The following PPM1H variants were observed in gnomAD, a reference collection of about 807,000 sequenced individuals.
PPM1H encodes protein phosphatase 1H.
Under a neutral mutation model 54.9 loss-of-function variants are expected in PPM1H, and 27 were observed. That is an observed-to-expected ratio of 0.49 (90% CI 0.36 to 0.68). The LOEUF (loss-of-function observed/expected upper bound fraction) is 0.68, where lower values mean the gene tolerates loss of function less well. Ranked by LOEUF, PPM1H falls within the 30% of genes least tolerant of loss-of-function variation. The probability of loss-of-function intolerance (pLI) is 0.00; values close to 1 mark genes in which losing one functional copy is unlikely to be tolerated. For missense variants in PPM1H, 596 were observed against 667.8 expected, an observed-to-expected ratio of 0.89 and a Z score of 1.19; for synonymous variants, 305 against 270.8, an observed-to-expected ratio of 1.13 and a Z score of -1.24.
intron 1 of PPM1H, among the ~76,000 whole-genome samples, chr12:62,882,140 A>C (rs546858105): frequency 6.6e-6 from 1 of 152,360 alleles, no homozygotes; most frequent in East Asian, 1.9e-4. Context: ...AAGATGAGGG[A>C]ATATATTAAG....
intron 8 of PPM1H, among the ~76,000 whole-genome samples, chr12:62,682,126 T>G (rs1044925158): frequency 6.6e-6 from 1 of 152,238 alleles, no homozygotes; most frequent in Admixed American, 6.5e-5. Flanking sequence ...TTTTGAGGTG[T>G]CCAGGAAATT....
intron 1 of PPM1H, among the ~76,000 whole-genome samples, chr12:62,923,585 A>G (rs1871872454): frequency 6.6e-6 from 1 of 152,144 alleles, no homozygotes; most frequent in Non-Finnish European, 1.5e-5. Flanking sequence ...TATTTTAAGT[A>G]GTGACGAGGT....
At chr12:62,747,215 C>T (rs1008411387) in intron 4 of PPM1H, among the ~76,000 whole-genome samples, 1 of 151,892 alleles carries the variant, frequency 6.6e-6, no homozygotes, top group Non-Finnish European at 1.5e-5. Context: ...CGGCTCACTG[C>T]AACCTCCGCC....
rs554438767 is a variant in PPM1H, at chr12:62,712,666, A to G, written c.1073+7505T>C. Among the ~76,000 whole-genome samples, 8 of 152,360 alleles carry G rather than the reference A, an allele frequency of 5.3e-5. No individual in the cohort carries two copies. In the South Asian group the frequency reaches 1.7e-3, roughly 32 times the overall value. ...TTTCAATTACTCTGTAAAACTCAAG[A>G]GTCAAGCTGTTCAAAAATGTAGGCT... is the stretch of plus-strand genomic sequence containing the variant. On this transcript the variant is annotated intron_variant, in intron 6 of 9. Coordinates refer to ENST00000228705, the MANE Select transcript of PPM1H (RefSeq NM_020700.2).
In PPM1H at chr12:62,802,172, G is replaced by C. The variant is rs543009118; in HGVS notation, c.412-12C>G. 6.5e-7 allele frequency: 1 copy of C among 1,544,076 alleles called. No individual in the cohort carries two copies. Among genetic ancestry groups the C allele is most frequent in the African/African-American group, 1.4e-5 (1 of 73,412 alleles). On this transcript the variant is annotated splice_polypyrimidine_tract_variant and intron_variant, in intron 2 of 9. Coordinates refer to ENST00000228705, the MANE Select transcript of PPM1H (RefSeq NM_020700.2). ...ACACCCTCGGATTCCTGTGGGAGAG[G>C]ACGACAGGGAGGAGTGAGAACGGCT... is the stretch of plus-strand genomic sequence containing the variant.
intron 4 of PPM1H, among the ~76,000 whole-genome samples, chr12:62,781,257 C>T (rs541925627): frequency 6.6e-6 from 1 of 152,336 alleles, no homozygotes; most frequent in Non-Finnish European, 1.5e-5. Context: ...TTCAGAGGAA[C>T]AGGGCCTAAG....
chr12:62,902,680 C>T lies in PPM1H; in HGVS notation c.245+31812G>A, dbSNP rs966819566. On this transcript the variant is annotated intron_variant, in intron 1 of 9. Coordinates refer to ENST00000228705, the MANE Select transcript of PPM1H (RefSeq NM_020700.2). ...CATTCTTCTTCTACATGGTGACAATCCTGACTTTGAATTACTTCAAGGATT... is the reference window on the plus strand; with the variant it reads ...CATTCTTCTTCTACATGGTGACAATTCTGACTTTGAATTACTTCAAGGATT... Among the ~76,000 whole-genome samples the T allele has an allele frequency of 2.9e-4, 44 of 152,318 alleles. 1 individual carries two copies. The highest frequency in any genetic ancestry group is 1.0e-3 in the African/African-American group (43 of 41,580).
chr12:62,851,512 G>A (rs1869186172), intron 1 of PPM1H, among the ~76,000 whole-genome samples: 1 of 152,112 alleles, frequency 6.6e-6, no homozygotes, highest in Admixed American at 6.5e-5. Context: ...AGACAAGCCT[G>A]GCCAACATGG....
chr12:62,817,116 T>TA (rs1189819660), intron 2 of PPM1H, among the ~76,000 whole-genome samples: 1,756 of 41,492 alleles, frequency 0.042, 25 homozygotes, highest in East Asian at 0.1. Flanking sequence ...ACTGCATTAC[T>TA]AAAAAAAAAA....
chr12:62,831,705 GTA>G (rs1491045518), intron 2 of PPM1H, among the ~76,000 whole-genome samples: 171 of 119,670 alleles, frequency 1.4e-3, no homozygotes, highest in African/African-American at 5.1e-3. Flanking sequence ...CATTGTGTGT[GTA>G]TGTGTGTGTG....
At chr12:62,775,334 G>T (rs1192928216) in intron 4 of PPM1H, among the ~76,000 whole-genome samples, 1 of 152,164 alleles carries the variant, frequency 6.6e-6, no homozygotes, top group Non-Finnish European at 1.5e-5. Context: ...AGCCCCAGGT[G>T]CCACCTTGGG....
At chr12:62,759,716 C>T (rs1461347290) in intron 4 of PPM1H, among the ~76,000 whole-genome samples, 1 of 151,692 alleles carries the variant, frequency 6.6e-6, no homozygotes, top group African/African-American at 2.4e-5. Flanking sequence ...GTGTCTCTAC[C>T]CCTTCTCCAC....
chr12:62,804,761 C>T (rs1228282785), intron 2 of PPM1H, among the ~76,000 whole-genome samples: 2 of 146,234 alleles, frequency 1.4e-5, no homozygotes, highest in East Asian at 4.0e-4. Flanking sequence ...CTGCAAGCTC[C>T]GCCTCCCAGG....
chr12:62,664,177 CAG>C (rs951601580), intron 9 of PPM1H, among the ~76,000 whole-genome samples: 5 of 152,136 alleles, frequency 3.3e-5, no homozygotes, highest in African/African-American at 1.2e-4. Context: ...CCCTGTGACA[CAG>C]GGGGACATTT....
intron 1 of PPM1H, among the ~76,000 whole-genome samples, chr12:62,928,447 A>T (rs1283357003): frequency 6.6e-6 from 1 of 152,210 alleles, no homozygotes; most frequent in Non-Finnish European, 1.5e-5. Context: ...GGTCAGTAGG[A>T]AACACAGTCA....
Position 62,715,694 on chromosome 12 carries a change from T to G in PPM1H, c.1073+4477A>C, listed in dbSNP as rs530902912. Among the ~76,000 whole-genome samples, 36 of 152,200 alleles carry G rather than the reference T, an allele frequency of 2.4e-4. 1 individual carries two copies. Among genetic ancestry groups the G allele is most frequent in the African/African-American group, 8.7e-4 (36 of 41,550 alleles). The stretch of plus-strand genomic sequence containing the variant: ...CTCCTGCAGCAGACACACCACTGAG[T>G]GCCGGCGTGGTGCTCCTCTAATGAG... On this transcript the variant is annotated intron_variant, in intron 6 of 9. Transcript: ENST00000228705.
At chr12:62,685,946 A>C (rs1383552178) in intron 8 of PPM1H, among the ~76,000 whole-genome samples, 1 of 152,236 alleles carries the variant, frequency 6.6e-6, no homozygotes, top group Non-Finnish European at 1.5e-5. Flanking sequence ...TAAGTAGTTA[A>C]TAACAATTAG....
chr12:62,719,606 C>A (rs905629150), intron 6 of PPM1H, among the ~76,000 whole-genome samples: 1 of 152,156 alleles, frequency 6.6e-6, no homozygotes, highest in Non-Finnish European at 1.5e-5. Flanking sequence ...TTTCGGAATA[C>A]GACAACCCCC....
intron 8 of PPM1H, among the ~76,000 whole-genome samples, chr12:62,677,634 C>T (rs891227992): frequency 1.1e-4 from 16 of 152,192 alleles, no homozygotes; most frequent in African/African-American, 3.6e-4. Context: ...CCCCTCACTG[C>T]TCTGTGCCTG....
Sources: gnomAD v4.1 joint callset for allele counts (sites outside exome capture counted in the v4.1 genomes callset) on GRCh38, gnomAD v4.1.1 for gene constraint, MANE v1.5 for transcripts, NCBI Gene and HGNC (gene_info 2026-07-23, HGNC 2026-07-21) for gene names.